The following VIPR2 variants were observed in gnomAD, a reference collection of about 807,000 sequenced individuals.
VIPR2 encodes the protein vasoactive intestinal peptide receptor 2, also known as vasoactive intestinal polypeptide receptor 2.
In VIPR2, 48 loss-of-function variants were observed where a neutral mutation model predicts 58.0. The observed-to-expected ratio is 0.83, with a 90% confidence interval of 0.66 to 1.05. The LOEUF is 1.05. Among genes scored for constraint, VIPR2 ranks in the 50% least tolerant of loss-of-function variants. VIPR2 has a pLI of 0.00. For missense variants in VIPR2, 534 were observed against 558.0 expected, an observed-to-expected ratio of 0.96 and a Z score of 0.43; for synonymous variants, 243 against 235.2, an observed-to-expected ratio of 1.03 and a Z score of -0.30.
chr7:159,043,259 A>C, intron 5 of VIPR2, 83 bp from the exon 6 acceptor site: 4 of 1,279,950 alleles, frequency 3.1e-6, no homozygotes, highest in Non-Finnish European at 4.3e-6. Context: ...TGAGAAACTC[A>C]TACTATGATC....
rs1368416470 is a variant in VIPR2 at position 159,093,844 on chromosome 7, A to G, written c.357+9913T>C. Among the ~76,000 whole-genome samples the G allele has an allele frequency of 1.3e-5, 2 of 152,076 alleles. No homozygotes were observed. Among genetic ancestry groups the G allele is most frequent in the Admixed American group, 6.5e-5 (1 of 15,270 alleles). On this transcript the variant is annotated intron_variant, in intron 4 of 12. Transcript: ENST00000262178. This position sits in a 1 kb window ranked among gnomAD's most constrained non-coding sequence, Gnocchi z 6.7. ...GGTCCGGACATGGGAGAGGCCCCGC[A>G]GTGTCCCTGAGTCTCCTGGACAGCG...
chr7:159,117,158 G>T (rs2129496688), intron 2 of VIPR2: 1 of 620,902 alleles, frequency 1.6e-6, no homozygotes, highest in East Asian at 2.8e-5. Context: ...ACAGGACGGA[G>T]TGCGGGAGCC....
At chr7:159,132,883 A>ATTGATTTCAGACAGAATGATTGGCATACC (rs1797008911) in intron 2 of VIPR2, among the ~76,000 whole-genome samples, 1 of 73,752 alleles carries the variant, frequency 1.4e-5, no homozygotes, top group East Asian at 3.4e-4. Flanking sequence ...ATTGGCATAC[A>ATTGATTTCAGACAGAATGATTGGCATACC]GATTGATTTC....
In VIPR2 at chr7:159,097,852, C is replaced by T. The variant is rs1857960516; in HGVS notation, c.357+5905G>A. ...TCACTCAGCCATCGGTGAGTGACAG[C>T]TGGGTGGGTTCTCAGGCCTGGACTG... On this transcript the variant is annotated intron_variant, in intron 4 of 12. Transcript: ENST00000262178. The surrounding 1 kb of genome is among the most constrained non-coding windows in gnomAD (Gnocchi z 5.3). Among the ~76,000 whole-genome samples, 2 of 152,186 alleles carry T rather than the reference C, an allele frequency of 1.3e-5. No individual in the cohort carries two copies. Among genetic ancestry groups the T allele is most frequent in the Admixed American group, 6.5e-5 (1 of 15,278 alleles).
At chr7:159,062,666 AGCAGCAAGATTTACT>A (rs58884445) in intron 4 of VIPR2, among the ~76,000 whole-genome samples, 51,745 of 151,668 alleles carry the variant, frequency 0.34, 9,866 homozygotes, top group Middle Eastern at 0.45. Context: ...AAGAACAAGC[AGCAGCAAGATTTACT>A]GCAGCAAGAT....
chr7:159,050,832 G>A lies in VIPR2; in HGVS notation c.455+7649C>T, dbSNP rs574006211. Among the ~76,000 whole-genome samples the A allele has an allele frequency of 7.0e-4, 106 of 152,252 alleles. 1 individual carries two copies. The highest frequency in any genetic ancestry group is 2.4e-3 in the African/African-American group (101 of 41,554). On this transcript the variant is annotated intron_variant, in intron 5 of 12. Coordinates refer to ENST00000262178, the MANE Select transcript of VIPR2 (RefSeq NM_003382.5). ...TGAAGAAAACCACCTTAAGTCCTAT[G>A]AGAGTGTAACTGCTAAAAACTGAAA...
intron 4 of VIPR2, among the ~76,000 whole-genome samples, chr7:159,091,913 AG>A (rs1425866404): frequency 6.6e-6 from 1 of 152,220 alleles, no homozygotes; most frequent in Non-Finnish European, 1.5e-5. Context: ...AGATCGCCTG[AG>A]GCCAGGAGTC....
At chr7:159,072,630 C>T (rs1856464645) in intron 4 of VIPR2, among the ~76,000 whole-genome samples, 1 of 152,184 alleles carries the variant, frequency 6.6e-6, no homozygotes, top group African/African-American at 2.4e-5. Flanking sequence ...GCCCATGAGG[C>T]CCTGGGCCTT....
intron 5 of VIPR2, among the ~76,000 whole-genome samples, chr7:159,050,867 A>G (rs1054314775): frequency 6.6e-6 from 1 of 152,230 alleles, no homozygotes; most frequent in Non-Finnish European, 1.5e-5. Flanking sequence ...AAAAGTCTTC[A>G]AAGCTTTCAG....
intron 4 of VIPR2, among the ~76,000 whole-genome samples, chr7:159,076,248 AAAG>A (rs1271760045): frequency 6.6e-6 from 1 of 152,218 alleles, no homozygotes; most frequent in East Asian, 1.9e-4. Flanking sequence ...ACATATTAGA[AAAG>A]AAAAAAACAA....
At position 159,030,659 on chromosome 7, in the gene VIPR2, G is replaced by A. The variant is rs1853490091; in HGVS notation, c.1274C>T (p.Ser425Phe). 9.6e-6 allele frequency: 15 copies of A among 1,560,854 alleles called. No homozygotes were observed. Among genetic ancestry groups the A allele is most frequent in the Non-Finnish European group, 1.3e-5 (15 of 1,153,928 alleles). Residue 425 changes from serine to phenylalanine, a missense_variant, in exon 13 of 13, where the codon TCC becomes TTC. Physicochemically the swap from Ser to Phe is radical, Grantham distance 155. Coordinates refer to ENST00000262178, the MANE Select transcript of VIPR2 (RefSeq NM_003382.5). ...CGTTTGCAGGAAGGACTGGGCGCGG[G>A]AGCCGCGGTGGAACTGCAGGGCGCC... Reference protein sequence around the residue: ...SEGALQFHRGSRAQSFLQTET... With the variant: ...SEGALQFHRGFRAQSFLQTET...
intron 4 of VIPR2, among the ~76,000 whole-genome samples, chr7:159,084,731 G>A (rs1459962574): frequency 6.6e-6 from 1 of 152,212 alleles, no homozygotes; most frequent in Non-Finnish European, 1.5e-5. Flanking sequence ...GGCGCGGAGT[G>A]GGGTACAGGG....
chr7:159,079,991 A>G (rs1229764341), intron 4 of VIPR2, among the ~76,000 whole-genome samples: 1 of 152,220 alleles, frequency 6.6e-6, no homozygotes, highest in Non-Finnish European at 1.5e-5. Flanking sequence ...TACCAACCAA[A>G]AAAAGTCCAG....
intron 4 of VIPR2, among the ~76,000 whole-genome samples, chr7:159,091,633 T>C (rs1234991028): frequency 2.0e-5 from 3 of 152,066 alleles, no homozygotes; most frequent in East Asian, 1.9e-4. Flanking sequence ...CCATCAGCAA[T>C]AGCAGTGGGG....
At position 159,098,153 on chromosome 7, in the gene VIPR2, G is replaced by A. The variant is rs372220984; in HGVS notation, c.357+5604C>T. ...CTGTTTTCCACGCAGTGGGAACCCCGGCCCCCATCCATCAGCACAGAAGAG... is the reference window on the plus strand; with the variant it reads ...CTGTTTTCCACGCAGTGGGAACCCCAGCCCCCATCCATCAGCACAGAAGAG... On this transcript the variant is annotated intron_variant, in intron 4 of 12. Coordinates refer to ENST00000262178, the MANE Select transcript of VIPR2 (RefSeq NM_003382.5). This position sits in a 1 kb window ranked among gnomAD's most constrained non-coding sequence, Gnocchi z 5.2. 9.2e-5 allele frequency among the ~76,000 whole-genome samples: 14 copies of A among 152,278 alleles called. No individual in the cohort carries two copies. The South Asian group carries it at 1.2e-3, about 14-fold the overall frequency.
At chr7:159,119,785 G>GC (rs149515178) in intron 2 of VIPR2, among the ~76,000 whole-genome samples, 2,014 of 152,334 alleles carry the variant, frequency 0.013, 39 homozygotes, top group African/African-American at 0.045. Flanking sequence ...GCCTTGCAAG[G>GC]CCTTCCTACC....
Position 159,028,569 on chromosome 7 carries a change from A to C in VIPR2, c.*2047T>G, listed in dbSNP as rs1228258254. The C allele has an allele frequency of 6.6e-6, 1 of 152,344 alleles. No individual in the cohort carries two copies. The highest frequency in any genetic ancestry group is 2.4e-5 in the African/African-American group (1 of 41,464). 9.4% of individuals were successfully genotyped at this position (152,344 alleles called of 1,614,324 possible). ...GGCCACTGACCCAACACCTTCAGTTACCACAAATCTTTGTTTCCTCAAAAA... is the reference window on the plus strand; with the variant it reads ...GGCCACTGACCCAACACCTTCAGTTCCCACAAATCTTTGTTTCCTCAAAAA... On this transcript the variant is annotated 3_prime_UTR_variant, in exon 13 of 13. Transcript: ENST00000262178.
chr7:159,144,277 C>T (rs773276781), intron 1 of VIPR2: 2 of 1,352,814 alleles, frequency 1.5e-6, no homozygotes, highest in Non-Finnish European at 1.9e-6. Flanking sequence ...GACGCCACGT[C>T]CCCCCGACAC....
chr7:159,031,819 T>G lies in VIPR2; in HGVS notation c.1143+9A>C. 6.2e-7 allele frequency: 1 copy of G among 1,613,928 alleles called. No homozygotes were observed. The highest frequency in any genetic ancestry group is 8.5e-7 in the Non-Finnish European group (1 of 1,180,002). ...CCTGTGCTTGGTTCCAAGGCGGCCA[T>G]GAACTTACCTCACTGTTCAGGAAAC... On this transcript the variant is annotated intron_variant, in intron 12 of 12. Transcript: ENST00000262178. The surrounding 1 kb of genome is among the most constrained non-coding windows in gnomAD (Gnocchi z 4.0).
Sources: allele counts gnomAD v4.1 joint callset (sites outside exome capture counted in the v4.1 genomes callset), GRCh38; gene constraint gnomAD v4.1.1; non-coding constraint Gnocchi (gnomAD v3.1); transcripts MANE v1.5; gene names NCBI Gene and HGNC (gene_info 2026-07-23, HGNC 2026-07-21).